SWAP70: variants seen among roughly 807,000 people sequenced by gnomAD.
SWAP70 encodes the protein switching B cell complex subunit SWAP70.
Under a neutral mutation model 80.2 loss-of-function variants are expected in SWAP70, and 34 were observed. That is an observed-to-expected ratio of 0.42 (90% CI 0.32 to 0.56). The LOEUF (loss-of-function observed/expected upper bound fraction) is 0.56, where lower values mean the gene tolerates loss of function less well. SWAP70 is among the 20% of genes least tolerant of loss of function. The probability of loss-of-function intolerance (pLI) is 0.09; values close to 1 mark genes in which losing one functional copy is unlikely to be tolerated. For synonymous variants in SWAP70, 239 were observed against 238.5 expected (o/e 1.00, Z -0.02); for missense variants, 578 against 690.7 (o/e 0.84, Z 1.83).
Position 9,692,397 on chromosome 11 carries a change from T to C in SWAP70, c.100-1749T>C, listed in dbSNP as rs1441556141. 2.6e-5 allele frequency among the ~76,000 whole-genome samples: 4 copies of C among 151,972 alleles called. No individual in the cohort carries two copies. In the South Asian group the frequency reaches 6.2e-4, roughly 24 times the overall value. On this transcript the variant is annotated intron_variant, in intron 1 of 11. Transcript: ENST00000318950. ...TAGTTTCTTATATATCCCTCCAGAATTTCTTTTCTTCCTCCCTTTTCTTTT... is the reference window on the plus strand; with the variant it reads ...TAGTTTCTTATATATCCCTCCAGAACTTCTTTTCTTCCTCCCTTTTCTTTT...
chr11:9,693,550 T>G (rs1850720235), intron 1 of SWAP70, among the ~76,000 whole-genome samples: 1 of 152,206 alleles, frequency 6.6e-6, no homozygotes, highest in Non-Finnish European at 1.5e-5. Context: ...TTTATACTCA[T>G]GCTGAAATTT....
At chr11:9,710,041 C>T (rs1173868015) in intron 2 of SWAP70, among the ~76,000 whole-genome samples, 1 of 151,678 alleles carries the variant, frequency 6.6e-6, no homozygotes, top group East Asian at 1.9e-4. Flanking sequence ...TCATTGTCTT[C>T]TTGTTGAGTA....
At chr11:9,698,513 T>C (rs1280081676) in intron 2 of SWAP70, among the ~76,000 whole-genome samples, 2 of 152,104 alleles carry the variant, frequency 1.3e-5, no homozygotes, top group Non-Finnish European at 2.9e-5. Context: ...CAAGCCATTC[T>C]CCTTCCTCAG....
At chr11:9,740,440 A>G (rs747649728) in intron 9 of SWAP70, 93 bp downstream of exon 9, 3 of 1,306,478 alleles carry the variant, frequency 2.3e-6, no homozygotes, top group Non-Finnish European at 3.3e-6. Context: ...GAGAGGGAGA[A>G]GTGTCTCTGC....
Position 9,732,569 on chromosome 11 carries a change from T to C in SWAP70, c.939T>C (p.Pro313=). The change falls in exon 7 of 12, where the codon CCT becomes CCC. Residue 313 remains proline, a synonymous_variant. Coordinates refer to ENST00000318950, the MANE Select transcript of SWAP70 (RefSeq NM_015055.4). ...STIHLLKLGS[P]PPHKEARQRR... ...TTCATCTGTTGAAGCTGGGCAGCCC[T>C]CCACCACACAAAGAAGCCCGCCAGC... 1.2e-6 allele frequency: 2 copies of C among 1,606,544 alleles called. No individual in the cohort carries two copies. The highest frequency in any genetic ancestry group is 8.5e-7 in the Non-Finnish European group (1 of 1,175,852).
intron 8 of SWAP70, among the ~76,000 whole-genome samples, chr11:9,739,246 C>G (rs1471758097): frequency 6.6e-6 from 1 of 152,222 alleles, no homozygotes; most frequent in African/African-American, 2.4e-5. Context: ...TTGAGTGATA[C>G]TCTGTCAGAG....
intron 1 of SWAP70, among the ~76,000 whole-genome samples, chr11:9,664,536 T>G (rs951589663): frequency 2.0e-5 from 3 of 152,198 alleles, no homozygotes; most frequent in Non-Finnish European, 2.9e-5. Context: ...GTGGCGGGCA[T>G]AAGGCTGGGG....
At chr11:9,725,378 A>G (rs1851195840) in intron 4 of SWAP70, among the ~76,000 whole-genome samples, 1 of 148,744 alleles carries the variant, frequency 6.7e-6, no homozygotes, top group South Asian at 2.1e-4. Context: ...TTAAGAATAC[A>G]GTTAAAATAT....
At chr11:9,740,017 G>A (rs1851414988) in intron 8 of SWAP70, among the ~76,000 whole-genome samples, 164 bp from the exon 9 acceptor site, 1 of 152,132 alleles carries the variant, frequency 6.6e-6, no homozygotes, top group Admixed American at 6.5e-5. Context: ...GATTGGGTGT[G>A]GTACCCTCAT....
At chr11:9,705,704 CTG>C (rs1434959916) in intron 2 of SWAP70, among the ~76,000 whole-genome samples, 2 of 136,866 alleles carry the variant, frequency 1.5e-5, no homozygotes, top group Non-Finnish European at 3.0e-5. Flanking sequence ...CACTGGTGAT[CTG>C]TATACACTGG....
At chr11:9,740,524 T>G in intron 9 of SWAP70, 177 bp downstream of exon 9, 1 of 682,954 alleles carries the variant, frequency 1.5e-6, no homozygotes, top group Non-Finnish European at 2.5e-6. Context: ...GGAGTGTTTC[T>G]TTTCATTCTG....
intron 3 of SWAP70, among the ~76,000 whole-genome samples, chr11:9,719,279 G>A (rs1590036551): frequency 6.6e-6 from 1 of 151,852 alleles, no homozygotes; most frequent in Non-Finnish European, 1.5e-5. Flanking sequence ...GGGTGCTGAA[G>A]TGGGAGAATC....
chr11:9,731,520 T>C (rs1367694266), intron 6 of SWAP70, among the ~76,000 whole-genome samples: 1 of 152,244 alleles, frequency 6.6e-6, no homozygotes, highest in African/African-American at 2.4e-5. Flanking sequence ...TATCTATTAA[T>C]AGGGAAATGG....
At chr11:9,693,760 C>T (rs1416090150) in intron 1 of SWAP70, among the ~76,000 whole-genome samples, 5 of 152,194 alleles carry the variant, frequency 3.3e-5, no homozygotes, top group Admixed American at 1.3e-4. Context: ...CTGAACAGCT[C>T]TAATTGGCTG....
At chr11:9,677,499 G>T (rs188714598) in intron 1 of SWAP70, among the ~76,000 whole-genome samples, 1 of 152,200 alleles carries the variant, frequency 6.6e-6, no homozygotes, top group African/African-American at 2.4e-5. Flanking sequence ...TGTCCTGGAG[G>T]TAACCATTAT....
chr11:9,742,405 C>T (rs1336264704), intron 9 of SWAP70, among the ~76,000 whole-genome samples: 2 of 151,702 alleles, frequency 1.3e-5, no homozygotes, highest in Admixed American at 6.6e-5. Context: ...GGCGTGATCT[C>T]GGCTCACTGC....
rs866298284 is a variant in SWAP70, at chr11:9,671,455, A to T, written c.99+7177A>T. On this transcript the variant is annotated intron_variant, in intron 1 of 11. Transcript: ENST00000318950. ...ATAAATATATAAAAATATATTTATA[A>T]ATATATATATAAATATATAAAAGTA... 4.5e-3 allele frequency among the ~76,000 whole-genome samples: 431 copies of T among 95,362 alleles called. 5 individuals are homozygous for T. The highest frequency in any genetic ancestry group is 0.015 in the Middle Eastern group (1 of 68). The allele number at this position is 95,362 out of a possible 152,430, so 62.6% of individuals were successfully genotyped here.
At chr11:9,726,572 TG>T (rs994103655) in intron 4 of SWAP70, among the ~76,000 whole-genome samples, 4 of 152,206 alleles carry the variant, frequency 2.6e-5, no homozygotes, top group Non-Finnish European at 5.9e-5. Flanking sequence ...TTTGCTTAAA[TG>T]TCCAAAGATT....
At position 9,752,857 on chromosome 11, in the gene SWAP70, AT is replaced by A. The variant is rs1851608626; in HGVS notation, c.*2893del. On this transcript the variant is annotated 3_prime_UTR_variant, in exon 12 of 12. Transcript: ENST00000318950. ...CAATGTAATATGCTCAACTTTCTCAATTTTTTGCTAATTTTTCTAAGATACA... is the reference window on the plus strand; with the variant it reads ...CAATGTAATATGCTCAACTTTCTCAATTTTTGCTAATTTTTCTAAGATACA... 1 of 152,138 alleles carries A rather than the reference AT, an allele frequency of 6.6e-6. No homozygotes were observed. Among genetic ancestry groups the A allele is most frequent in the Non-Finnish European group, 1.5e-5 (1 of 68,024 alleles). The allele number at this position is 152,138 out of a possible 1,614,324, so 9.4% of individuals were successfully genotyped here. A position where few individuals can be genotyped will look rare whatever the true frequency, so the allele number is the denominator to read the frequency against.
Sources: gnomAD v4.1 joint callset for allele counts (sites outside exome capture counted in the v4.1 genomes callset) on GRCh38, gnomAD v4.1.1 for gene constraint, MANE v1.5 for transcripts, NCBI Gene and HGNC (gene_info 2026-07-23, HGNC 2026-07-21) for gene names.